Variants in LIMA1 observed in about 807,000 individuals in gnomAD.
LIMA1 encodes the protein LIM domain and actin-binding protein 1.
LIMA1 carries 52 observed loss-of-function variants against 62.6 expected under a neutral mutation model. The ratio of observed to expected loss-of-function variants is 0.83; its 90% CI spans 0.67 to 1.05. The LOEUF (loss-of-function observed/expected upper bound fraction) is 1.05. LIMA1 is among the 50% of genes least tolerant of loss of function. The pLI is 0.00. For synonymous variants in LIMA1, 302 were observed against 317.8 expected (o/e 0.95, Z 0.53); for missense variants, 780 against 902.2 (o/e 0.86, Z 1.74).
intron 2 of LIMA1, among the ~76,000 whole-genome samples, chr12:50,232,216 C>A (rs1363329786): frequency 6.6e-6 from 1 of 151,530 alleles, no homozygotes; most frequent in East Asian, 1.9e-4. Context: ...TGCACACCAC[C>A]ACACCTGGCT....
Position 50,210,882 on chromosome 12 carries a change from T to A in LIMA1, c.631-4814A>T, listed in dbSNP as rs1025792772. On this transcript the variant is annotated intron_variant, in intron 4 of 10. Transcript: ENST00000341247. The stretch of plus-strand genomic sequence containing the variant: ...TCTCAGAGAAAAATAGGAAGAGAAC[T>A]GTCTCTGAAAAATCCCTCATACAGA... Among the ~76,000 whole-genome samples, 4 of 152,312 alleles carry A rather than the reference T, an allele frequency of 2.6e-5. No individual in the cohort carries two copies. The East Asian group carries it at 5.8e-4, about 22-fold the overall frequency.
intron 1 of LIMA1, among the ~76,000 whole-genome samples, chr12:50,252,964 G>A (rs1941949443): frequency 6.6e-6 from 1 of 152,182 alleles, no homozygotes; most frequent in Non-Finnish European, 1.5e-5. Flanking sequence ...CTGAAACTAA[G>A]TGAGAGGTAA....
At chr12:50,221,989 T>C (rs770975453) in intron 4 of LIMA1, 32 bp downstream of exon 4, 8 of 1,563,996 alleles carry the variant, frequency 5.1e-6, no homozygotes, top group Non-Finnish European at 6.9e-6. Flanking sequence ...TTGAATTGGC[T>C]TTCTCAAGTT....
intron 4 of LIMA1, among the ~76,000 whole-genome samples, chr12:50,210,418 CAAA>C (rs769288381): frequency 4.4e-5 from 4 of 90,822 alleles, no homozygotes; most frequent in Admixed American, 1.4e-4. Context: ...ACCCCATTTC[CAAA>C]AAAAAAAAAA....
intron 1 of LIMA1, among the ~76,000 whole-genome samples, chr12:50,272,684 C>G (rs976351670): frequency 6.6e-6 from 1 of 151,526 alleles, no homozygotes; most frequent in African/African-American, 2.4e-5. Flanking sequence ...AAAGATGTAC[C>G]AAATCACACC....
intron 2 of LIMA1, among the ~76,000 whole-genome samples, chr12:50,241,477 A>G (rs994876905): frequency 2.6e-5 from 4 of 152,198 alleles, no homozygotes; most frequent in African/African-American, 9.6e-5. Context: ...TAATAGAAAC[A>G]TAGATTAAAA....
chr12:50,240,070 T>A (rs12229920), intron 2 of LIMA1, among the ~76,000 whole-genome samples: 1 of 102,146 alleles, frequency 9.8e-6, no homozygotes, highest in Non-Finnish European at 2.1e-5. Context: ...AAATAAAAAA[T>A]TTTTAAAAGG....
At chr12:50,248,354 A>G (rs1488406795) in intron 2 of LIMA1, among the ~76,000 whole-genome samples, 1 of 152,104 alleles carries the variant, frequency 6.6e-6, no homozygotes, top group Non-Finnish European at 1.5e-5. Flanking sequence ...AGACTTGCTG[A>G]TATTTTGCTT....
chr12:50,250,456 G>A (rs914298970), intron 1 of LIMA1, among the ~76,000 whole-genome samples: 1 of 150,846 alleles, frequency 6.6e-6, no homozygotes, highest in Non-Finnish European at 1.5e-5. Flanking sequence ...GCTGGGCGTG[G>A]TGGCACACAC....
Position 50,176,822 on chromosome 12 carries a change from ACTTATGCATATCATCACTG to A in LIMA1, c.*223_*241del. 1 of 414,846 alleles carries A rather than the reference ACTTATGCATATCATCACTG, an allele frequency of 2.4e-6. No individual in the cohort carries two copies. The highest frequency in any genetic ancestry group is 4.3e-6 in the Non-Finnish European group (1 of 234,920). The allele number at this position is 414,846 out of a possible 1,614,324, so 25.7% of individuals were successfully genotyped here. ...TTTCCCCAGTTACAAGCCTTACAGC[ACTTATGCATATCATCACTG>A]CTAAAATGAAGAATTTAAGTAAAGT... On this transcript the variant is annotated 3_prime_UTR_variant, in exon 11 of 11. Transcript: ENST00000341247.
Position 50,234,127 on chromosome 12 carries a change from C to G in LIMA1, c.120-2417G>C, listed in dbSNP as rs115202050. On this transcript the variant is annotated intron_variant, in intron 2 of 10. Transcript: ENST00000341247. ...AATTAAAGTTCTTTTCAAGGAGGAA[C>G]AGGTTTTCTCCATTTAAAGACTAAG... is the stretch of plus-strand genomic sequence containing the variant. 5.5e-3 allele frequency: 2,572 copies of G among 467,148 alleles called. 55 individuals carry two copies. The highest frequency in any genetic ancestry group is 0.048 in the African/African-American group (2,391 of 49,490). 28.9% of individuals were successfully genotyped at this position (467,148 alleles called of 1,614,324 possible).
intron 1 of LIMA1, 136 bp from the exon 2 acceptor site, chr12:50,248,910 G>C (rs1941889514): frequency 1.7e-6 from 1 of 578,952 alleles, no homozygotes; most frequent in Admixed American, 3.0e-5. Context: ...GTGTAACCTT[G>C]GTCAAATGAT....
chr12:50,247,131 C>T lies in LIMA1; in HGVS notation c.119+1502G>A, dbSNP rs151269711. 3.8e-3 allele frequency among the ~76,000 whole-genome samples: 578 copies of T among 152,144 alleles called. 5 individuals carry two copies. The highest frequency in any genetic ancestry group is 0.013 in the African/African-American group (533 of 41,510). On this transcript the variant is annotated intron_variant, in intron 2 of 10. Transcript: ENST00000341247. ...CCAGCCTGGGTGACAGAGTGAAACC[C>T]TGTCTCAACATTTTTTTTTTAATTA... is the stretch of plus-strand genomic sequence containing the variant.
intron 3 of LIMA1, 69 bp downstream of exon 3, chr12:50,231,596 C>T: frequency 3.6e-6 from 5 of 1,380,234 alleles, no homozygotes; most frequent in Non-Finnish European, 5.2e-6. Context: ...CCCACAGAGG[C>T]TGCAGGTGGC....
intron 1 of LIMA1, among the ~76,000 whole-genome samples, chr12:50,253,042 A>G (rs1264135163): frequency 6.6e-6 from 1 of 152,184 alleles, no homozygotes; most frequent in African/African-American, 2.4e-5. Flanking sequence ...AGAAATTGAC[A>G]GTTCTTAGAA....
intron 2 of LIMA1, among the ~76,000 whole-genome samples, chr12:50,242,354 G>A (rs1416015259): frequency 1.3e-5 from 2 of 151,544 alleles, no homozygotes; most frequent in East Asian, 1.9e-4. Context: ...AAATATGAAC[G>A]CTCTTTGTTT....
intron 2 of LIMA1, among the ~76,000 whole-genome samples, chr12:50,239,034 T>A (rs1399192048): frequency 6.6e-6 from 1 of 152,210 alleles, no homozygotes; most frequent in East Asian, 1.9e-4. Context: ...TCAGAGAAGC[T>A]GACATTTTCA....
intron 7 of LIMA1, among the ~76,000 whole-genome samples, chr12:50,200,550 T>C (rs890623947): frequency 2.6e-5 from 4 of 152,244 alleles, no homozygotes; most frequent in African/African-American, 9.6e-5. Context: ...TCTGAGCATC[T>C]GCTGAGCAAA....
chr12:50,249,109 A>G (rs1222639035), intron 1 of LIMA1, among the ~76,000 whole-genome samples: 1 of 152,058 alleles, frequency 6.6e-6, no homozygotes, highest in Non-Finnish European at 1.5e-5. Flanking sequence ...ATCCCAGGGG[A>G]GGTACAGTCA....
Sources: gnomAD v4.1 joint callset for allele counts (sites outside exome capture counted in the v4.1 genomes callset) on GRCh38, gnomAD v4.1.1 for gene constraint, MANE v1.5 for transcripts, NCBI Gene and HGNC (gene_info 2026-07-23, HGNC 2026-07-21) for gene names.